The following CCDC90B variants were observed in gnomAD, a reference collection of about 807,000 sequenced individuals.
CCDC90B encodes the protein coiled-coil domain-containing protein 90B, mitochondrial.
A neutral mutation model predicts 37.0 loss-of-function variants in CCDC90B; 24 were observed. The ratio of observed to expected loss-of-function variants is 0.65; its 90% confidence interval spans 0.47 to 0.91. CCDC90B has a LOEUF of 0.91. Among genes scored for constraint, CCDC90B ranks in the 40% least tolerant of loss-of-function variants. CCDC90B has a pLI of 0.00. For missense variants in CCDC90B, 319 were observed against 299.0 expected (o/e 1.07, Z -0.49); for synonymous variants, 113 against 101.1 (o/e 1.12, Z -0.71).
chr11:83,285,198 A>C (rs1865608482), intron 1 of CCDC90B: 1 of 1,286,086 alleles, frequency 7.8e-7, no homozygotes, highest in Non-Finnish European at 1.0e-6. Flanking sequence ...GACAACCTTA[A>C]AACGGTTTAA....
chr11:83,285,651 G>A, intron 1 of CCDC90B: 1 of 1,389,142 alleles, frequency 7.2e-7, no homozygotes, highest in Non-Finnish European at 9.3e-7. Context: ...GCCTTCAAAG[G>A]TTCGCTTTAA....
chr11:83,271,795 A>G (rs1259226527), intron 7 of CCDC90B, among the ~76,000 whole-genome samples: 4 of 152,182 alleles, frequency 2.6e-5, no homozygotes, highest in African/African-American at 7.2e-5. Flanking sequence ...AAATCATGCT[A>G]CTATAAAGAC....
chr11:83,265,753 G>A, intron 8 of CCDC90B, 112 bp downstream of exon 8: 4 of 639,502 alleles, frequency 6.3e-6, no homozygotes, highest in Non-Finnish European at 1.1e-5. Flanking sequence ...AAGCAATAAA[G>A]GAGCCTTGTT....
chr11:83,285,748 C>A (rs1343556321), intron 1 of CCDC90B, 125 bp downstream of exon 1: 1 of 1,466,986 alleles, frequency 6.8e-7, no homozygotes. Flanking sequence ...TCGCCCAGCA[C>A]AAGGCGTGAA....
In CCDC90B at chr11:83,286,200, C is replaced by T; in HGVS notation, c.-228G>A. On this transcript the variant is annotated 5_prime_UTR_variant, in exon 1 of 9. Coordinates refer to ENST00000529689, the MANE Select transcript of CCDC90B (RefSeq NM_021825.5). Reference sequence around the variant, plus strand: ...CTCAGCGCTGCCCCGCTTCTCCCAGCGCCCCTTCCCGACCTTTGAACGCCT... The same window carrying T: ...CTCAGCGCTGCCCCGCTTCTCCCAGTGCCCCTTCCCGACCTTTGAACGCCT... The T allele has an allele frequency of 1.3e-6, 2 of 1,532,626 alleles. No individual in the cohort carries two copies. Among genetic ancestry groups the T allele is most frequent in the African/African-American group, 1.4e-5 (1 of 73,094 alleles). The allele number at this position is 1,532,626 out of a possible 1,614,324, so 94.9% of individuals were successfully genotyped here. A position where few individuals can be genotyped will look rare whatever the true frequency, so the allele number is the denominator to read the frequency against.
intron 1 of CCDC90B, among the ~76,000 whole-genome samples, chr11:83,280,929 A>T (rs181779018): frequency 6.6e-6 from 1 of 152,248 alleles, no homozygotes; most frequent in Non-Finnish European, 1.5e-5. Context: ...ACTGGTATCA[A>T]CATAAGAACC....
At chr11:83,276,502 C>T (rs1354469600) in intron 3 of CCDC90B, among the ~76,000 whole-genome samples, 1 of 152,152 alleles carries the variant, frequency 6.6e-6, no homozygotes, top group Non-Finnish European at 1.5e-5. Flanking sequence ...CACCCACCAT[C>T]ATGCCTGGCT....
chr11:83,286,068 G>A lies in CCDC90B; in HGVS notation c.-96C>T, dbSNP rs1865674711. On this transcript the variant is annotated 5_prime_UTR_variant, in exon 1 of 9. Transcript: ENST00000529689. ...AGTTCTGGCACCACAGGAATGCTGG[G>A]AATTGTAGTTTTCGCTCTGTCACAA... The A allele has an allele frequency of 5.2e-6, 8 of 1,541,364 alleles. No individual in the cohort carries two copies. Among genetic ancestry groups the A allele is most frequent in the Non-Finnish European group, 7.0e-6 (8 of 1,147,250 alleles).
At position 83,259,271 on chromosome 11, in the gene CCDC90B, CT is replaced by C. The variant is rs1863831440; in HGVS notation, c.*2639del. The stretch of plus-strand genomic sequence containing the variant: ...TTAAGGCATATAGAAACACAATCCT[CT>C]CATCCTTATTTCATATATTTCCATC... On this transcript the variant is annotated 3_prime_UTR_variant, in exon 9 of 9. Transcript: ENST00000529689. 6.6e-6 allele frequency: 1 copy of C among 152,188 alleles called. No homozygotes were observed. The highest frequency in any genetic ancestry group is 2.4e-5 in the African/African-American group (1 of 41,448). The allele number at this position is 152,188 out of a possible 1,614,324, so 9.4% of individuals were successfully genotyped here. A position where few individuals can be genotyped will look rare whatever the true frequency, so the allele number is the denominator to read the frequency against.
chr11:83,285,697 C>T, intron 1 of CCDC90B, 176 bp downstream of exon 1: 18 of 1,432,876 alleles, frequency 1.3e-5, no homozygotes, highest in Non-Finnish European at 1.6e-5. Flanking sequence ...GTCCTCGCCC[C>T]TTGGGGCGAG....
At chr11:83,263,646 G>A (rs116385906) in intron 8 of CCDC90B, among the ~76,000 whole-genome samples, 3,081 of 152,206 alleles carry the variant, frequency 0.02, 96 homozygotes, top group African/African-American at 0.07. Context: ...TCTGACCCAC[G>A]ATGAACCATT....
In CCDC90B at chr11:83,278,745, ATC is replaced by A. The variant is rs766270509; in HGVS notation, c.303_304del (p.Glu101AspfsTer32). On this transcript the variant is annotated frameshift_variant, in exon 3 of 9. Transcript: ENST00000529689. LOFTEE classifies it high-confidence loss of function. ...TATTACCTGTTGAGCTTGAGTGACC[ATC>A]TCTTTATAGATAGTATCCAGGCTGA... 1 of 1,610,054 alleles carries A rather than the reference ATC, an allele frequency of 6.2e-7. No individual in the cohort carries two copies. Among genetic ancestry groups the A allele is most frequent in the South Asian group, 1.1e-5 (1 of 90,882 alleles).
intron 3 of CCDC90B, among the ~76,000 whole-genome samples, chr11:83,275,371 TA>T (rs917916500): frequency 2.6e-5 from 4 of 152,156 alleles, no homozygotes; most frequent in Non-Finnish European, 5.9e-5. Flanking sequence ...ATATAACTGT[TA>T]CAGATTGAAT....
chr11:83,261,896 G>A lies in CCDC90B; in HGVS notation c.*15C>T. The A allele has an allele frequency of 6.3e-7, 1 of 1,586,414 alleles. No individual in the cohort carries two copies. Among genetic ancestry groups the A allele is most frequent in the African/African-American group, 1.4e-5 (1 of 73,612 alleles). ...TTCTAAGAAGCCAACAGCCACAGCA[G>A]GATGAGCATTAATACTACTTCCAGA... On this transcript the variant is annotated 3_prime_UTR_variant, in exon 9 of 9. Coordinates refer to ENST00000529689, the MANE Select transcript of CCDC90B (RefSeq NM_021825.5).
At chr11:83,266,757 C>T (rs963909863) in intron 7 of CCDC90B, 2 of 152,278 alleles carry the variant, frequency 1.3e-5, no homozygotes, top group African/African-American at 4.8e-5. Flanking sequence ...CAGTGGTTCT[C>T]TCACGACAGC....
intron 1 of CCDC90B, 158 bp downstream of exon 1, chr11:83,285,715 A>T: frequency 1.4e-6 from 2 of 1,438,090 alleles, no homozygotes; most frequent in Non-Finnish European, 1.8e-6. Context: ...GAGCTGGGCA[A>T]GTCGGGGCAG....
chr11:83,273,897 T>A (rs1248424594), intron 5 of CCDC90B, 33 bp from the exon 6 acceptor site: 1 of 1,594,930 alleles, frequency 6.3e-7, no homozygotes, highest in Non-Finnish European at 8.5e-7. Flanking sequence ...TAAAAAATGA[T>A]CTTGTAACGA....
At chr11:83,281,313 T>C (rs1288683074) in intron 1 of CCDC90B, among the ~76,000 whole-genome samples, 3 of 152,220 alleles carry the variant, frequency 2.0e-5, no homozygotes, top group African/African-American at 4.8e-5. Flanking sequence ...TGAATATTGA[T>C]TGAGTGCTAG....
At chr11:83,269,301 A>G (rs559700200) in intron 7 of CCDC90B, among the ~76,000 whole-genome samples, 32 of 152,242 alleles carry the variant, frequency 2.1e-4, no homozygotes, top group African/African-American at 7.2e-4. Context: ...GATAAGAGAC[A>G]CAACAAACCC....
Sources: gnomAD v4.1 joint callset for allele counts (sites outside exome capture counted in the v4.1 genomes callset) on GRCh38, gnomAD v4.1.1 for gene constraint, MANE v1.5 for transcripts, NCBI Gene and HGNC (gene_info 2026-07-23, HGNC 2026-07-21) for gene names.